ARHGAP23: variants seen among roughly 807,000 people sequenced by gnomAD.
ARHGAP23 encodes rho GTPase-activating protein 23.
In ARHGAP23, 34 loss-of-function variants were observed where a neutral mutation model predicts 136.3. The ratio of observed to expected loss-of-function variants is 0.25; its 90% CI spans 0.19 to 0.33. ARHGAP23 has a LOEUF of 0.33. ARHGAP23 is among the 10% of genes least tolerant of loss of function. ARHGAP23 has a pLI of 1.00. For missense variants in ARHGAP23, 1,808 were observed against 2,139.0 expected, an observed-to-expected ratio of 0.85 and a Z score of 3.05; for synonymous variants, 832 against 920.5, an observed-to-expected ratio of 0.90 and a Z score of 1.74.
chr17:38,487,260 A>G (rs2040180822), intron 17 of ARHGAP23, among the ~76,000 whole-genome samples: 1 of 152,228 alleles, frequency 6.6e-6, no homozygotes, highest in Admixed American at 6.5e-5. Context: ...AATCAGCCAC[A>G]TAGAATTTCA....
intron 1 of ARHGAP23, among the ~76,000 whole-genome samples, chr17:38,434,512 A>G (rs1261746136): frequency 6.6e-6 from 1 of 152,154 alleles, no homozygotes; most frequent in Non-Finnish European, 1.5e-5. Context: ...CTGAGACCCA[A>G]GGGCCGAGGC....
At chr17:38,497,860 G>T (rs2040427498) in intron 21 of ARHGAP23, 34 bp downstream of exon 21, 1 of 1,550,242 alleles carries the variant, frequency 6.5e-7, no homozygotes, top group Non-Finnish European at 8.7e-7. Flanking sequence ...TGGCATGGGG[G>T]CTGGTCTGGG....
chr17:38,440,144 G>A (rs971025177), intron 1 of ARHGAP23, among the ~76,000 whole-genome samples: 8 of 152,206 alleles, frequency 5.3e-5, no homozygotes, highest in East Asian at 1.9e-4. Flanking sequence ...TCAGCCTCCC[G>A]AGTAGCTGGA....
rs1383070652 is a variant in ARHGAP23 at position 38,503,689 on chromosome 17, G to C, written c.3447+3061G>C. On this transcript the variant is annotated intron_variant, in intron 23 of 23. Transcript: ENST00000622683. ...GAAATTCCTTCCTCCTGAGACGCTA[G>C]CAGTTACCGCTTCCCAGTCTGGGCC... Among the ~76,000 whole-genome samples the C allele has an allele frequency of 7.9e-5, 12 of 152,324 alleles. No homozygotes were observed. In the East Asian group the frequency reaches 2.3e-3, roughly 29 times the overall value.
At chr17:38,484,011 G>T (rs1465769533) in intron 16 of ARHGAP23, among the ~76,000 whole-genome samples, 1 of 152,194 alleles carries the variant, frequency 6.6e-6, no homozygotes, top group Non-Finnish European at 1.5e-5. Flanking sequence ...ACCTTGATCT[G>T]ATGGACAGTA....
In ARHGAP23 at chr17:38,459,439, T is replaced by C. The variant is rs2039407734; in HGVS notation, c.225+1176T>C. Among the ~76,000 whole-genome samples, 5 of 152,214 alleles carry C rather than the reference T, an allele frequency of 3.3e-5. No individual in the cohort carries two copies. The South Asian group carries it at 1.0e-3, about 31-fold the overall frequency. ...CTGTTCTCATTGGCTACAGCTGTGC[T>C]GAAGAACATAAGTGGGGGCTGATGG... is the stretch of plus-strand genomic sequence containing the variant. On this transcript the variant is annotated intron_variant, in intron 2 of 23. Coordinates refer to ENST00000622683, the MANE Select transcript of ARHGAP23 (RefSeq NM_001199417.2).
chr17:38,462,893 A>G lies in ARHGAP23; in HGVS notation c.301A>G (p.Lys101Glu). 6.5e-7 allele frequency: 1 copy of G among 1,535,848 alleles called. No homozygotes were observed. Among genetic ancestry groups the G allele is most frequent in the Non-Finnish European group, 8.8e-7 (1 of 1,142,338 alleles). ...RLEPMDTIFV[K>E]NVKEDGPAHR... is the part of the protein sequence containing the mutation. ...GGAGCCCATGGACACCATCTTTGTC[A>G]AGAATGTGAAGGAAGACGGCCCTGC... The change falls in exon 4 of 24, where the codon AAG becomes GAG. Residue 101 changes from lysine to glutamate, a missense_variant. Lys to Glu is a moderately conservative substitution (Grantham distance 56). Coordinates refer to ENST00000622683, the MANE Select transcript of ARHGAP23 (RefSeq NM_001199417.2).
chr17:38,471,906 C>T lies in ARHGAP23; in HGVS notation c.2018C>T (p.Ser673Phe), dbSNP rs775400869. 4.5e-6 allele frequency: 7 copies of T among 1,549,286 alleles called. No homozygotes were observed. Among genetic ancestry groups the T allele is most frequent in the Non-Finnish European group, 6.1e-6 (7 of 1,146,690 alleles). Reference sequence around the variant, plus strand: ...ACCTCTGAAGATGCTGACGCTCCTTCTAAGCGACACTCAACCTCTGACCTC... The same window carrying T: ...ACCTCTGAAGATGCTGACGCTCCTTTTAAGCGACACTCAACCTCTGACCTC... ...WGTSEDADAP[S>F]KRHSTSDLSD... The change falls in exon 11 of 24, where the codon TCT becomes TTT. Residue 673 changes from serine (S) to phenylalanine (F), a missense_variant. Ser to Phe is a radical substitution (Grantham distance 155, BLOSUM62 -2). Transcript: ENST00000622683.
chr17:38,490,181 G>A lies in ARHGAP23; in HGVS notation c.3060+6G>A. 6.4e-7 allele frequency: 1 copy of A among 1,551,378 alleles called. No homozygotes were observed. Among genetic ancestry groups the A allele is most frequent in the Non-Finnish European group, 8.7e-7 (1 of 1,146,712 alleles). Reference sequence around the variant, plus strand: ...TGAGGACGCTGCGGAAGCTGGTAAGGAGAGAGAGGTGCTGTCAGACACGAG... The same window carrying A: ...TGAGGACGCTGCGGAAGCTGGTAAGAAGAGAGAGGTGCTGTCAGACACGAG... On this transcript the variant is annotated splice_donor_region_variant and intron_variant, in intron 18 of 23. Coordinates refer to ENST00000622683, the MANE Select transcript of ARHGAP23 (RefSeq NM_001199417.2).
chr17:38,500,534 TA>T, intron 22 of ARHGAP23, 62 bp from the exon 23 acceptor site: 1 of 1,448,254 alleles, frequency 6.9e-7, no homozygotes, highest in Non-Finnish European at 9.5e-7. Flanking sequence ...ATTGTGTGCA[TA>T]AGACTCAGCT....
chr17:38,460,635 C>T (rs892784217), intron 2 of ARHGAP23, among the ~76,000 whole-genome samples: 2 of 152,150 alleles, frequency 1.3e-5, no homozygotes, highest in East Asian at 1.9e-4. Context: ...GGGCTGGGAG[C>T]TCCCCCAGGG....
At chr17:38,467,387 CCTG>C in intron 7 of ARHGAP23, 56 bp downstream of exon 7, 1 of 1,429,192 alleles carries the variant, frequency 7.0e-7, no homozygotes, top group East Asian at 2.5e-5. Context: ...CTGTCTGTGT[CCTG>C]CTGTACCCCA....
chr17:38,444,810 A>G (rs1597755716), intron 1 of ARHGAP23, among the ~76,000 whole-genome samples: 1 of 146,570 alleles, frequency 6.8e-6, no homozygotes, highest in Admixed American at 6.7e-5. Flanking sequence ...CATTTGTTTC[A>G]TCTTTCAACA....
rs2040758528 is a variant in ARHGAP23, at chr17:38,511,202, G to A, written c.*230G>A. 2 of 499,748 alleles carry A rather than the reference G, an allele frequency of 4.0e-6. No homozygotes were observed. Among genetic ancestry groups the A allele is most frequent in the Non-Finnish European group, 6.7e-6 (2 of 296,330 alleles). 31.0% of individuals were successfully genotyped at this position (499,748 alleles called of 1,614,324 possible). A position where few individuals can be genotyped will look rare whatever the true frequency, so the allele number is the denominator to read the frequency against. ...GTTCCAGAGGTGATGAGCAGAAGAG[G>A]AGGGGGCGTGGGCTGCTGGGGTCTG... On this transcript the variant is annotated 3_prime_UTR_variant, in exon 24 of 24. Coordinates refer to ENST00000622683, the MANE Select transcript of ARHGAP23 (RefSeq NM_001199417.2).
At chr17:38,462,503 G>A (rs2039485641) in intron 3 of ARHGAP23, among the ~76,000 whole-genome samples, 2 of 152,070 alleles carry the variant, frequency 1.3e-5, no homozygotes, top group South Asian at 2.1e-4. Flanking sequence ...TGATCCACCC[G>A]CCTTGGCCTC....
chr17:38,420,209 G>T (rs998444362), intron 1 of ARHGAP23, among the ~76,000 whole-genome samples: 1 of 152,168 alleles, frequency 6.6e-6, no homozygotes, highest in African/African-American at 2.4e-5. Context: ...AGTGAGCAAG[G>T]GGCTGTATCC....
At chr17:38,425,273 T>C (rs995766967), upstream of ARHGAP23, among the ~76,000 whole-genome samples, 1 of 152,116 alleles carries the variant, frequency 6.6e-6, no homozygotes, top group Non-Finnish European at 1.5e-5. Flanking sequence ...GCCTGCTCTC[T>C]CTCCTGCCTC....
chr17:38,472,179 T>C (rs551561022), intron 11 of ARHGAP23, among the ~76,000 whole-genome samples, 173 bp downstream of exon 11: 72 of 152,292 alleles, frequency 4.7e-4, no homozygotes, highest in African/African-American at 1.7e-3. Context: ...AAAGAACTTA[T>C]GTAAAAGAAG....
intron 12 of ARHGAP23, among the ~76,000 whole-genome samples, chr17:38,478,911 A>AG (rs1028139342): frequency 7.9e-5 from 12 of 152,040 alleles, no homozygotes; most frequent in African/African-American, 1.2e-4. Context: ...TGGCCGTGGG[A>AG]GGGGGTGCTA....
Sources: allele counts gnomAD v4.1 joint callset (sites outside exome capture counted in the v4.1 genomes callset), GRCh38; gene constraint gnomAD v4.1.1; transcripts MANE v1.5; gene names NCBI Gene and HGNC (gene_info 2026-07-23, HGNC 2026-07-21).